The following KCNC2 variants were observed in gnomAD, a reference collection of about 807,000 sequenced individuals.
The protein encoded by KCNC2 is potassium voltage-gated channel subfamily C member 2, also known as voltage-gated potassium channel KCNC2.
KCNC2 carries 21 observed loss-of-function variants against 44.5 expected under a neutral mutation model. The ratio of observed to expected loss-of-function variants is 0.47; its 90% CI spans 0.33 to 0.68. KCNC2 has a LOEUF of 0.68. Among genes scored for constraint, KCNC2 ranks in the 30% least tolerant of loss-of-function variants. The pLI is 0.01. For synonymous variants in KCNC2, 391 were observed against 339.1 expected (o/e 1.15, Z -1.68); for missense variants, 589 against 826.2 (o/e 0.71, Z 3.52).
intron 2 of KCNC2, among the ~76,000 whole-genome samples, chr12:75,110,305 G>A (rs1319043662): frequency 1.3e-5 from 2 of 152,062 alleles, no homozygotes; most frequent in African/African-American, 2.4e-5. Flanking sequence ...ATACAAAGTA[G>A]GTAACTTTTG....
intron 2 of KCNC2, among the ~76,000 whole-genome samples, chr12:75,069,956 A>C (rs983222444): frequency 1.3e-5 from 2 of 152,138 alleles, no homozygotes; most frequent in Admixed American, 1.3e-4. Context: ...GAAACCAATT[A>C]ACAGGATCGA....
At chr12:75,135,875 G>A (rs1220128841) in intron 2 of KCNC2, among the ~76,000 whole-genome samples, 2 of 151,942 alleles carry the variant, frequency 1.3e-5, no homozygotes, top group Admixed American at 1.3e-4. Context: ...CCAGAGCATG[G>A]CCATATTCTA....
At chr12:75,172,519 G>A (rs887838910) in intron 2 of KCNC2, among the ~76,000 whole-genome samples, 13 of 151,232 alleles carry the variant, frequency 8.6e-5, no homozygotes, top group Non-Finnish European at 1.5e-4. Flanking sequence ...ATCCACCTTT[G>A]CCCTGTACTT....
intron 2 of KCNC2, among the ~76,000 whole-genome samples, chr12:75,094,380 A>G (rs1210368896): frequency 2.0e-5 from 3 of 151,708 alleles, no homozygotes; most frequent in African/African-American, 7.2e-5. Flanking sequence ...GAACAGAGTA[A>G]CAGACTGATA....
intron 2 of KCNC2, among the ~76,000 whole-genome samples, chr12:75,134,787 G>T (rs1889111646): frequency 6.6e-6 from 1 of 151,816 alleles, no homozygotes; most frequent in African/African-American, 2.4e-5. Context: ...AACACTTTCA[G>T]CCTAATATAA....
intron 2 of KCNC2, among the ~76,000 whole-genome samples, chr12:75,116,213 A>G (rs1196246349): frequency 6.6e-6 from 1 of 152,196 alleles, no homozygotes; most frequent in Non-Finnish European, 1.5e-5. Context: ...TGAATTCCAA[A>G]GACGGTTGCA....
intron 2 of KCNC2, among the ~76,000 whole-genome samples, chr12:75,097,058 T>C (rs1480093754): frequency 6.6e-6 from 1 of 152,080 alleles, no homozygotes; most frequent in Non-Finnish European, 1.5e-5. Flanking sequence ...CAGTGGAATG[T>C]TATACAGTGA....
At chr12:75,134,845 C>A (rs1889114265) in intron 2 of KCNC2, among the ~76,000 whole-genome samples, 1 of 151,724 alleles carries the variant, frequency 6.6e-6, no homozygotes, top group Non-Finnish European at 1.5e-5. Context: ...GTTTTAAATG[C>A]TCTAAAATTC....
At chr12:75,178,867 A>G (rs1023638181) in intron 2 of KCNC2, among the ~76,000 whole-genome samples, 1 of 152,014 alleles carries the variant, frequency 6.6e-6, no homozygotes, top group Non-Finnish European at 1.5e-5. Flanking sequence ...CTCCTTGTTC[A>G]AAGAGGTGGG....
intron 2 of KCNC2, among the ~76,000 whole-genome samples, chr12:75,140,934 C>A (rs1037605655): frequency 9.2e-5 from 14 of 151,856 alleles, no homozygotes; most frequent in Admixed American, 1.3e-4. Context: ...AAAAAAAAGC[C>A]ATCTCTTCCA....
At chr12:75,048,770 T>C (rs1880836857) in intron 3 of KCNC2, among the ~76,000 whole-genome samples, 1 of 152,170 alleles carries the variant, frequency 6.6e-6, no homozygotes, top group African/African-American at 2.4e-5. Flanking sequence ...CTGAAAGCAT[T>C]GTGTCCAAAA....
chr12:75,060,095 G>A (rs7970507), intron 2 of KCNC2, among the ~76,000 whole-genome samples: 1 of 152,066 alleles, frequency 6.6e-6, no homozygotes, highest in African/African-American at 2.4e-5. Flanking sequence ...TCAAGAGAAC[G>A]TCAATTTACA....
At chr12:75,117,915 C>T (rs1025283340) in intron 2 of KCNC2, among the ~76,000 whole-genome samples, 3 of 152,220 alleles carry the variant, frequency 2.0e-5, no homozygotes, top group African/African-American at 7.2e-5. Context: ...CTCACCCATA[C>T]CACAAATTGG....
intron 2 of KCNC2, among the ~76,000 whole-genome samples, chr12:75,107,339 T>TAAC (rs1286883457): frequency 2.6e-5 from 4 of 151,980 alleles, no homozygotes; most frequent in Non-Finnish European, 5.9e-5. Context: ...ATAATAACAA[T>TAAC]AACAATATCA....
At chr12:75,176,005 G>T (rs1266192009) in intron 2 of KCNC2, among the ~76,000 whole-genome samples, 1 of 151,986 alleles carries the variant, frequency 6.6e-6, no homozygotes, top group African/African-American at 2.4e-5. Context: ...CTATATTTTT[G>T]TTTGCAGTGG....
intron 2 of KCNC2, among the ~76,000 whole-genome samples, chr12:75,087,968 C>T (rs1885163118): frequency 6.7e-6 from 1 of 149,928 alleles, no homozygotes; most frequent in African/African-American, 2.5e-5. Context: ...CAGAATCATA[C>T]ATTTCATGGC....
chr12:75,043,130 C>T lies in KCNC2; in HGVS notation c.1892G>A (p.Arg631Gln), dbSNP rs748691315. 4 of 1,612,118 alleles carry T rather than the reference C, an allele frequency of 2.5e-6. No individual in the cohort carries two copies. The highest frequency in any genetic ancestry group is 3.4e-6 in the Non-Finnish European group (4 of 1,178,818). ...YNSPCPLRRSRSPIPSIL is the reference protein window; with the variant it reads ...YNSPCPLRRSQSPIPSIL ...TTACAAGATAGATGGGATGGGAGAT[C>T]GAGAGCGCCTCAGAGGACAAGGAGA... Residue 631 changes from arginine to glutamine, a missense_variant, in exon 5 of 5, where the codon CGA becomes CAA. Around this residue, in one of 7 missense-constraint regions of KCNC2, gnomAD observed 171 missense variants for 182.4 expected, o/e 0.94. Coordinates refer to ENST00000549446, the MANE Select transcript of KCNC2 (RefSeq NM_139137.4).
At chr12:75,062,892 G>T (rs931683262) in intron 2 of KCNC2, among the ~76,000 whole-genome samples, 3 of 152,028 alleles carry the variant, frequency 2.0e-5, no homozygotes, top group African/African-American at 7.2e-5. Context: ...TAAAAATGCA[G>T]TTAGTAAATC....
At chr12:75,053,682 C>A (rs12318279) in intron 2 of KCNC2, among the ~76,000 whole-genome samples, 1,956 of 149,978 alleles carry the variant, frequency 0.013, 46 homozygotes, top group African/African-American at 0.045. Flanking sequence ...CAGTTTAATA[C>A]CAAAGTTGAT....
Sources: gnomAD v4.1 joint callset for allele counts (sites outside exome capture counted in the v4.1 genomes callset) on GRCh38, gnomAD v4.1.1 for gene constraint, gnomAD v4.1.1 regional missense constraint, MANE v1.5 for transcripts, NCBI Gene and HGNC (gene_info 2026-07-23, HGNC 2026-07-21) for gene names.